Variants in HEATR4 observed in about 807,000 individuals in gnomAD.
The protein encoded by HEATR4 is HEAT repeat-containing protein 4.
HEATR4 carries 95 observed loss-of-function variants against 108.8 expected under a neutral mutation model. That is an observed-to-expected ratio of 0.87 (90% CI 0.74 to 1.04). The LOEUF (loss-of-function observed/expected upper bound fraction) is 1.04, where lower values mean the gene tolerates loss of function less well. Among genes scored for constraint, HEATR4 ranks in the 50% least tolerant of loss-of-function variants. HEATR4 has a pLI of 0.00. For missense variants in HEATR4, 1,152 were observed against 1,253.8 expected (o/e 0.92, Z 1.23); for synonymous variants, 443 against 459.4 (o/e 0.96, Z 0.46).
In HEATR4 at chr14:73,492,993, T is replaced by A; in HGVS notation, c.2844+73A>T. ...GGCAGTAGTGATTCTCCGCTGCCAC[T>A]GCTACCTTTTTTTTTTTTTTTTCCT... On this transcript the variant is annotated intron_variant, in intron 17 of 17. Coordinates refer to ENST00000553558, the MANE Select transcript of HEATR4 (RefSeq NM_001220484.1). The surrounding 1 kb of genome is among the most constrained non-coding windows in gnomAD (Gnocchi z 4.9). 1.3e-6 allele frequency: 2 copies of A among 1,553,628 alleles called. No individual in the cohort carries two copies. The highest frequency in any genetic ancestry group is 8.6e-7 in the Non-Finnish European group (1 of 1,162,434).
intron 17 of HEATR4, among the ~76,000 whole-genome samples, chr14:73,484,859 CACAT>C (rs749678160): frequency 7.3e-4 from 111 of 151,278 alleles, no homozygotes; most frequent in Middle Eastern, 6.8e-3. Context: ...CACACACACA[CACAT>C]ATATGGTTTT....
At chr14:73,493,900 G>A (rs1277694832) in intron 16 of HEATR4, among the ~76,000 whole-genome samples, 1 of 152,170 alleles carries the variant, frequency 6.6e-6, no homozygotes, top group Non-Finnish European at 1.5e-5. Context: ...TAACTTTGGG[G>A]ATAATTTATG....
intron 12 of HEATR4, among the ~76,000 whole-genome samples, chr14:73,499,347 G>A (rs1426124563): frequency 2.6e-5 from 4 of 152,184 alleles, no homozygotes; most frequent in Non-Finnish European, 5.9e-5. Flanking sequence ...CGGGCATGGT[G>A]TCACACGCCT....
Position 73,514,180 on chromosome 14 carries a change from T to C in HEATR4, c.1265A>G (p.Lys422Arg). The C allele has an allele frequency of 6.2e-7, 1 of 1,614,186 alleles. No homozygotes were observed. Among genetic ancestry groups the C allele is most frequent in the Non-Finnish European group, 8.5e-7 (1 of 1,180,026 alleles). The change falls in exon 6 of 18, where the codon AAG (lysine) becomes AGG (arginine). Residue 422 changes from lysine (K) to arginine (R), a missense_variant. Transcript: ENST00000553558. ...CTCACCCACCTGCAGCAGCATATCC[T>C]TGGCGGGGGTGGGCAAAGCAGTCCA... The part of the protein sequence containing the change: ...LRWTALPTPA[K>R]DMLLQVGEKD...
the HEATR4 span, among the ~76,000 whole-genome samples, chr14:73,620,573 CT>C: frequency 3.3e-4 from 49 of 146,788 alleles, no homozygotes; most frequent in South Asian, 1.5e-3. Context: ...CTGCCTCATT[CT>C]TTTTTTTTTT....
chr14:73,494,636 A>T, intron 16 of HEATR4, among the ~76,000 whole-genome samples: 1 of 152,062 alleles, frequency 6.6e-6, no homozygotes. Flanking sequence ...CTGCAGCCTC[A>T]ACCTCCTGGG....
chr14:73,597,591 C>CTTTTTTTTTTTTTTTTTTTTT, the HEATR4 span, among the ~76,000 whole-genome samples: 19 of 98,190 alleles, frequency 1.9e-4, no homozygotes, highest in South Asian at 3.5e-4. Context: ...TTTTTCTTTT[C>CTTTTTTTTTTTTTTTTTTTTT]TTTTTTTTTT....
chr14:73,531,905 G>A lies in HEATR4; in HGVS notation c.-151-1661C>T, dbSNP rs1384450479. Among the ~76,000 whole-genome samples, 6 of 113,958 alleles carry A rather than the reference G, an allele frequency of 5.3e-5. 1 individual carries two copies. Among genetic ancestry groups the A allele is most frequent in the Admixed American group, 4.0e-4 (4 of 10,102 alleles). 74.8% of individuals were successfully genotyped at this position (113,958 alleles called of 152,430 possible). A position where few individuals can be genotyped will look rare whatever the true frequency, so the allele number is the denominator to read the frequency against. ...AAATCAGCTGGGCCTGGTGGCGCATGCCTGTAATCCCAGCTACTTGGGAGG... is the reference window on the plus strand; with the variant it reads ...AAATCAGCTGGGCCTGGTGGCGCATACCTGTAATCCCAGCTACTTGGGAGG... On this transcript the variant is annotated intron_variant, in intron 1 of 17. Transcript: ENST00000553558.
At chr14:73,506,036 G>A (rs1054611791) in intron 10 of HEATR4, among the ~76,000 whole-genome samples, 5 of 151,756 alleles carry the variant, frequency 3.3e-5, no homozygotes, top group African/African-American at 4.8e-5. Flanking sequence ...GATTATAGGC[G>A]CGTGCCACCA....
the HEATR4 span, among the ~76,000 whole-genome samples, chr14:73,590,644 C>T: frequency 1.3e-3 from 192 of 152,288 alleles, 1 homozygote; most frequent in Non-Finnish European, 1.3e-3. Flanking sequence ...AGCTAAGGCC[C>T]GCTGAGAAAT....
chr14:73,545,777 G>A lies in HEATR4; in HGVS notation c.-152+12974C>T, dbSNP rs1447523419. ...GCTAGATCCCAAACTTGAGTCTGCT[G>A]AAGCCCTTTTGAGACCTTAGGGACC... is the stretch of plus-strand genomic sequence containing the variant. On this transcript the variant is annotated intron_variant, in intron 1 of 17. Transcript: ENST00000553558. Among the ~76,000 whole-genome samples, 2 of 107,946 alleles carry A rather than the reference G, an allele frequency of 1.9e-5. 1 individual carries two copies. The allele number at this position is 107,946 out of a possible 152,430, so 70.8% of individuals were successfully genotyped here. A position where few individuals can be genotyped will look rare whatever the true frequency, so the allele number is the denominator to read the frequency against.
intron 8 of HEATR4, 152 bp from the exon 9 acceptor site, chr14:73,508,446 C>T (rs1480977580): frequency 4.4e-6 from 3 of 685,238 alleles, no homozygotes; most frequent in Non-Finnish European, 7.3e-6. Flanking sequence ...TTATTTAAAC[C>T]ATATTGAGAA....
Position 73,514,753 on chromosome 14 carries a change from G to A in HEATR4, c.1211-519C>T, listed in dbSNP as rs200045570. On this transcript the variant is annotated intron_variant, in intron 5 of 17. Transcript: ENST00000553558. ...CAGAAATTTGAGAACAGAAGAAGCC[G>A]TAAATATTAGATATAGTTAGAAAAG... Among the ~76,000 whole-genome samples, 21 of 152,264 alleles carry A rather than the reference G, an allele frequency of 1.4e-4. 2 individuals are homozygous for A. In the East Asian group the frequency reaches 4.0e-3, roughly 29 times the overall value.
the HEATR4 span, among the ~76,000 whole-genome samples, chr14:73,570,568 C>CA: frequency 6.8e-3 from 986 of 144,042 alleles, no homozygotes; most frequent in African/African-American, 0.024. Context: ...GACTCCGTCT[C>CA]AAAAAAAAGA....
chr14:73,542,836 A>C (rs1341990891), intron 1 of HEATR4, among the ~76,000 whole-genome samples: 2 of 112,516 alleles, frequency 1.8e-5, no homozygotes, highest in African/African-American at 3.0e-5. Context: ...AGTAATTGAT[A>C]GATCTTCCAC....
the HEATR4 span, among the ~76,000 whole-genome samples, chr14:73,612,289 A>T: frequency 6.6e-6 from 1 of 151,970 alleles, no homozygotes; most frequent in African/African-American, 2.4e-5. Context: ...TGATCCACCC[A>T]CCTCGGCCTC....
upstream of HEATR4, among the ~76,000 whole-genome samples, chr14:73,562,623 A>G (rs1278658963): frequency 2.6e-5 from 4 of 151,948 alleles, no homozygotes; most frequent in Non-Finnish European, 5.9e-5. Flanking sequence ...AGTAAGGAAT[A>G]TTAATATTAA....
intron 16 of HEATR4, among the ~76,000 whole-genome samples, chr14:73,493,736 G>C (rs1028950773): frequency 6.6e-6 from 1 of 152,182 alleles, no homozygotes; most frequent in Admixed American, 6.5e-5. Flanking sequence ...TACTAGGGGG[G>C]CTGAGGCAGG....
chr14:73,506,450 CAAAG>C lies in HEATR4; in HGVS notation c.1986+13_1986+16del. 3 of 1,593,244 alleles carry C rather than the reference CAAAG, an allele frequency of 1.9e-6. No individual in the cohort carries two copies. The highest frequency in any genetic ancestry group is 2.2e-5 in the East Asian group (1 of 44,774). On this transcript the variant is annotated intron_variant, in intron 10 of 17. Coordinates refer to ENST00000553558, the MANE Select transcript of HEATR4 (RefSeq NM_001220484.1). ...TCTCTTAGGCTTTCTGTCCTGGAGG[CAAAG>C]AAAGAGGTTTACCAAGCAGACATTT... is the stretch of plus-strand genomic sequence containing the variant.
Sources: allele counts gnomAD v4.1 joint callset (sites outside exome capture counted in the v4.1 genomes callset), GRCh38; gene constraint gnomAD v4.1.1; non-coding constraint Gnocchi (gnomAD v3.1); transcripts MANE v1.5; gene names NCBI Gene and HGNC (gene_info 2026-07-23, HGNC 2026-07-21).